The following EPSTI1 variants were observed in gnomAD, a reference collection of about 807,000 sequenced individuals.
The protein encoded by EPSTI1 is epithelial stromal interaction 1, also known as epithelial-stromal interaction protein 1.
Under a neutral mutation model 49.9 loss-of-function variants are expected in EPSTI1, and 66 were observed. The ratio of observed to expected loss-of-function variants is 1.32; its 90% CI spans 1.08 to 1.62. The LOEUF (loss-of-function observed/expected upper bound fraction) is 1.62, where lower values mean the gene tolerates loss of function less well. EPSTI1 is among the 40% of genes most tolerant of loss of function. The pLI is 0.00. For synonymous variants in EPSTI1, 137 were observed against 130.7 expected, an observed-to-expected ratio of 1.05 and a Z score of -0.33; for missense variants, 394 against 365.5, an observed-to-expected ratio of 1.08 and a Z score of -0.64.
At chr13:42,918,229 G>A (rs1340190968) in intron 7 of EPSTI1, among the ~76,000 whole-genome samples, 1 of 152,188 alleles carries the variant, frequency 6.6e-6, no homozygotes, top group African/African-American at 2.4e-5. Flanking sequence ...AGCACATGAG[G>A]GAGAATGCCC....
chr13:42,978,584 T>C (rs910546128), intron 1 of EPSTI1, among the ~76,000 whole-genome samples: 1 of 152,220 alleles, frequency 6.6e-6, no homozygotes, highest in Non-Finnish European at 1.5e-5. Context: ...GGATTTCTTT[T>C]CATTTCACAG....
intron 9 of EPSTI1, among the ~76,000 whole-genome samples, chr13:42,896,727 C>G (rs1367720373): frequency 6.6e-6 from 1 of 152,156 alleles, no homozygotes; most frequent in Non-Finnish European, 1.5e-5. Context: ...TAGAATAAAA[C>G]TGGCTTATAA....
chr13:42,929,152 A>T (rs1178942682), intron 6 of EPSTI1, among the ~76,000 whole-genome samples: 2 of 152,200 alleles, frequency 1.3e-5, no homozygotes, highest in African/African-American at 4.8e-5. Context: ...CTCACGTCTA[A>T]ATCTCAGTGT....
chr13:42,974,621 T>C (rs1413380463), intron 1 of EPSTI1, among the ~76,000 whole-genome samples: 2 of 149,940 alleles, frequency 1.3e-5, no homozygotes, highest in Non-Finnish European at 2.9e-5. Context: ...ATTGCGCCAC[T>C]GCACTCCCGC....
chr13:42,972,379 TA>T (rs2039789822), intron 1 of EPSTI1, among the ~76,000 whole-genome samples: 1 of 152,226 alleles, frequency 6.6e-6, no homozygotes, highest in African/African-American at 2.4e-5. Context: ...GTTCTTGATC[TA>T]GGTACCACAC....
rs78252916 is a variant in EPSTI1, at chr13:42,982,573, G to A, written c.188+9405C>T. Among the ~76,000 whole-genome samples, 786 of 152,306 alleles carry A rather than the reference G, an allele frequency of 5.2e-3. 23 individuals carry two copies. The East Asian group carries it at 0.065, about 13-fold the overall frequency. ...CCCTTGCCAGTAACACTAACACAAG[G>A]CTACCAAGCTCACCTGTCATTTGTG... On this transcript the variant is annotated intron_variant, in intron 1 of 10. Transcript: ENST00000313624.
At chr13:42,952,122 G>A (rs191866948) in intron 6 of EPSTI1, among the ~76,000 whole-genome samples, 1 of 152,272 alleles carries the variant, frequency 6.6e-6, no homozygotes, top group East Asian at 1.9e-4. Flanking sequence ...CTGTAAAATG[G>A]ACCAATCAGC....
intron 6 of EPSTI1, among the ~76,000 whole-genome samples, chr13:42,951,898 T>C (rs2039108323): frequency 6.6e-6 from 1 of 152,158 alleles, no homozygotes; most frequent in South Asian, 2.1e-4. Flanking sequence ...GCTGGACTTC[T>C]GGGCCAGGTG....
chr13:42,908,484 GAAAAAAAAAAA>G (rs140923122), intron 8 of EPSTI1, among the ~76,000 whole-genome samples: 1 of 113,352 alleles, frequency 8.8e-6, no homozygotes, highest in African/African-American at 3.6e-5. Context: ...ACTCTGTTAT[GAAAAAAAAAAA>G]AAAAAAAAGG....
intron 1 of EPSTI1, among the ~76,000 whole-genome samples, chr13:42,985,117 T>C (rs2153436373): frequency 6.6e-6 from 1 of 152,302 alleles, no homozygotes; most frequent in African/African-American, 2.4e-5. Flanking sequence ...TAGGTCTGAT[T>C]ACTATTGCCA....
At chr13:42,967,808 A>C (rs2296178) in intron 3 of EPSTI1, among the ~76,000 whole-genome samples, 90,294 of 151,866 alleles carry the variant, frequency 0.59, 27,422 homozygotes, top group Middle Eastern at 0.82. Flanking sequence ...CGAACCCCGA[A>C]CTCTCTTATC....
At chr13:42,951,264 A>T (rs1465530031) in intron 6 of EPSTI1, among the ~76,000 whole-genome samples, 1 of 152,254 alleles carries the variant, frequency 6.6e-6, no homozygotes, top group Non-Finnish European at 1.5e-5. Context: ...TCCATCTTTT[A>T]TAAGTCTCTT....
At chr13:42,894,915 T>A (rs2037146034) in intron 10 of EPSTI1, 94 bp downstream of exon 10, 1 of 1,083,772 alleles carries the variant, frequency 9.2e-7, no homozygotes, top group East Asian at 2.7e-5. Context: ...AAAAACGTAA[T>A]ATCTGGGGAG....
At chr13:42,991,940 G>C (rs773966472) in intron 1 of EPSTI1, 38 bp downstream of exon 1, 3 of 1,610,496 alleles carry the variant, frequency 1.9e-6, no homozygotes, top group African/African-American at 2.7e-5. Context: ...TTTGGGGCCC[G>C]GGCTCCCGCC....
chr13:42,947,846 C>T (rs1327685201), intron 6 of EPSTI1, among the ~76,000 whole-genome samples: 2 of 152,246 alleles, frequency 1.3e-5, no homozygotes, highest in African/African-American at 4.8e-5. Context: ...GAGATCAACC[C>T]CGCCTGGTGG....
intron 6 of EPSTI1, among the ~76,000 whole-genome samples, chr13:42,949,277 G>A (rs2039020098): frequency 6.6e-6 from 1 of 152,200 alleles, no homozygotes; most frequent in Admixed American, 6.5e-5. Context: ...GTGAGAATCT[G>A]TTATCTTTAA....
chr13:42,899,983 G>A lies in EPSTI1; in HGVS notation c.815+327C>T, dbSNP rs150446905. ...CTAAGTCTATAAATGGTAGACTATC[G>A]TCTCAAACTAGGATGTTTTGTCCTA... On this transcript the variant is annotated intron_variant, in intron 9 of 10. Transcript: ENST00000313624. Among the ~76,000 whole-genome samples, 43 of 152,180 alleles carry A rather than the reference G, an allele frequency of 2.8e-4. No homozygotes were observed. In the East Asian group the frequency reaches 3.1e-3, roughly 11 times the overall value.
At chr13:42,969,070 C>T (rs188734992) in intron 3 of EPSTI1, 24 bp downstream of exon 3, 2 of 1,613,674 alleles carry the variant, frequency 1.2e-6, no homozygotes, top group Non-Finnish European at 1.7e-6. Context: ...CTCCCTCATT[C>T]CGGCAGCGGC....
At chr13:42,899,897 G>A (rs1448321384) in intron 9 of EPSTI1, among the ~76,000 whole-genome samples, 1 of 152,102 alleles carries the variant, frequency 6.6e-6, no homozygotes, top group Non-Finnish European at 1.5e-5. Context: ...GTGAGTTTTT[G>A]TCTGAGCTTT....
Sources: gnomAD v4.1 joint callset for allele counts (sites outside exome capture counted in the v4.1 genomes callset) on GRCh38, gnomAD v4.1.1 for gene constraint, MANE v1.5 for transcripts, NCBI Gene and HGNC (gene_info 2026-07-23, HGNC 2026-07-21) for gene names.